PCSK2: variants seen among roughly 807,000 people sequenced by gnomAD.
The protein encoded by PCSK2 is proprotein convertase subtilisin/kexin type 2.
A neutral mutation model predicts 69.7 loss-of-function variants in PCSK2; 14 were observed. The observed-to-expected ratio is 0.20, with a 90% CI of 0.13 to 0.31. The LOEUF is 0.31. Among genes scored for constraint, PCSK2 ranks in the 10% least tolerant of loss-of-function variants. The pLI, the probability that PCSK2 is intolerant of heterozygous loss-of-function variation, is 1.00. For missense variants in PCSK2, 544 were observed against 842.5 expected, an observed-to-expected ratio of 0.65 and a Z score of 4.39; for synonymous variants, 307 against 320.7, an observed-to-expected ratio of 0.96 and a Z score of 0.46.
chr20:17,365,576 A>C (rs1194286502), intron 4 of PCSK2, among the ~76,000 whole-genome samples: 1 of 152,178 alleles, frequency 6.6e-6, no homozygotes, highest in Admixed American at 6.5e-5. Context: ...TCTAAATATC[A>C]TCTAAATCAG....
At chr20:17,227,534 G>A (rs756609959) in intron 1 of PCSK2, 52 bp downstream of exon 1, 19 of 1,437,438 alleles carry the variant, frequency 1.3e-5, no homozygotes, top group African/African-American at 2.8e-5. Flanking sequence ...GGGACGGGGG[G>A]GCAGCCCTGC....
intron 2 of PCSK2, among the ~76,000 whole-genome samples, chr20:17,304,741 T>C (rs779256413): frequency 6.6e-6 from 1 of 152,232 alleles, no homozygotes; most frequent in South Asian, 2.1e-4. Flanking sequence ...ACAATTGAGC[T>C]TATGATTCAG....
chr20:17,238,554 T>C (rs1448925281), intron 1 of PCSK2, among the ~76,000 whole-genome samples: 1 of 152,182 alleles, frequency 6.6e-6, no homozygotes, highest in African/African-American at 2.4e-5. Flanking sequence ...TGAGCCTTGT[T>C]GCTCATTGGC....
At chr20:17,356,054 G>A (rs2030186092) in intron 2 of PCSK2, among the ~76,000 whole-genome samples, 2 of 151,994 alleles carry the variant, frequency 1.3e-5, no homozygotes, top group South Asian at 4.2e-4. Context: ...ATGTGTGTGT[G>A]CATATATATG....
At position 17,481,743 on chromosome 20, in the gene PCSK2, C is replaced by T; in HGVS notation, c.1590C>T (p.Gly530=). Residue 530 remains glycine, a synonymous_variant, in exon 12 of 12, where the codon GGC becomes GGT. Transcript: ENST00000262545. ...DLNINMTSPM[G]TKSILLSRRP... ...ACATCAACATGACTTCCCCTATGGG[C>T]ACCAAGTCCATTTTGCTGAGCCGGC... The T allele has an allele frequency of 6.2e-7, 1 of 1,614,166 alleles. No individual in the cohort carries two copies. Among genetic ancestry groups the T allele is most frequent in the Non-Finnish European group, 8.5e-7 (1 of 1,180,024 alleles).
chr20:17,430,495 A>G (rs1403667163), intron 7 of PCSK2, among the ~76,000 whole-genome samples: 1 of 152,190 alleles, frequency 6.6e-6, no homozygotes, highest in African/African-American at 2.4e-5. Context: ...AGCAAAGGTA[A>G]CCTATACAAA....
intron 10 of PCSK2, among the ~76,000 whole-genome samples, chr20:17,461,905 A>G (rs1600598901): frequency 6.6e-6 from 1 of 152,362 alleles, no homozygotes; most frequent in East Asian, 1.9e-4. Flanking sequence ...CATGTACCCC[A>G]TAAATACATA....
intron 9 of PCSK2, among the ~76,000 whole-genome samples, chr20:17,454,890 G>A (rs921691649): frequency 6.6e-6 from 1 of 152,190 alleles, no homozygotes. Context: ...CCCTGCGTGA[G>A]CGAGGAGAAG....
intron 5 of PCSK2, among the ~76,000 whole-genome samples, chr20:17,374,072 C>A (rs898313021): frequency 2.0e-5 from 3 of 152,228 alleles, no homozygotes; most frequent in African/African-American, 7.2e-5. Flanking sequence ...AAAATTATAA[C>A]CTCCTTTACC....
chr20:17,364,404 G>T (rs1012823641), intron 4 of PCSK2, among the ~76,000 whole-genome samples: 1 of 152,122 alleles, frequency 6.6e-6, no homozygotes, highest in Non-Finnish European at 1.5e-5. Context: ...ACCCAGACTG[G>T]GTAATTTATA....
At chr20:17,241,752 A>G (rs929385871) in intron 1 of PCSK2, among the ~76,000 whole-genome samples, 1 of 152,090 alleles carries the variant, frequency 6.6e-6, no homozygotes, top group Non-Finnish European at 1.5e-5. Flanking sequence ...AATTAAATGC[A>G]CCTCCCCTGA....
chr20:17,412,049 T>C (rs556590851), intron 6 of PCSK2, among the ~76,000 whole-genome samples: 30 of 152,064 alleles, frequency 2.0e-4, no homozygotes, highest in African/African-American at 7.0e-4. Context: ...AGACCAAAGG[T>C]AGATAAAACC....
At chr20:17,285,421 A>T (rs1051646181) in intron 2 of PCSK2, among the ~76,000 whole-genome samples, 2 of 152,180 alleles carry the variant, frequency 1.3e-5, no homozygotes, top group Non-Finnish European at 2.9e-5. Context: ...CTGTCTCCCG[A>T]TTTCTCAGAA....
intron 11 of PCSK2, among the ~76,000 whole-genome samples, chr20:17,471,358 G>A (rs1033802442): frequency 2.6e-5 from 4 of 152,190 alleles, no homozygotes; most frequent in Non-Finnish European, 5.9e-5. Context: ...TCAATGCAGT[G>A]TTTTCAATGA....
intron 1 of PCSK2, among the ~76,000 whole-genome samples, chr20:17,241,071 T>C (rs1427308238): frequency 2.0e-5 from 3 of 152,206 alleles, no homozygotes; most frequent in East Asian, 3.8e-4. Context: ...GAGTGCTCCA[T>C]GTAAACAAGT....
chr20:17,307,654 T>C (rs1406143027), intron 2 of PCSK2, among the ~76,000 whole-genome samples: 1 of 152,212 alleles, frequency 6.6e-6, no homozygotes, highest in Admixed American at 6.5e-5. Flanking sequence ...TCCATATACC[T>C]ACCAGCAGTG....
chr20:17,232,827 C>A lies in PCSK2; in HGVS notation c.177+5345C>A, dbSNP rs557687309. 6.8e-4 allele frequency among the ~76,000 whole-genome samples: 103 copies of A among 152,284 alleles called. 2 individuals are homozygous for A. The South Asian group carries it at 0.021, about 31-fold the overall frequency. On this transcript the variant is annotated intron_variant, in intron 1 of 11. Transcript: ENST00000262545. Reference sequence around the variant, plus strand: ...AACAGCATATAGATTTGATCATAAGCATTCCCTGAAAGATTTCAATCTAAG... The same window carrying A: ...AACAGCATATAGATTTGATCATAAGAATTCCCTGAAAGATTTCAATCTAAG...
chr20:17,331,147 C>T (rs73900211), intron 2 of PCSK2, among the ~76,000 whole-genome samples: 3,787 of 152,228 alleles, frequency 0.025, 168 homozygotes, highest in African/African-American at 0.086. Flanking sequence ...AAAGGTAGCG[C>T]TCCTGACTCA....
At chr20:17,249,022 A>G (rs978541312) in intron 1 of PCSK2, among the ~76,000 whole-genome samples, 1 of 152,174 alleles carries the variant, frequency 6.6e-6, no homozygotes, top group Admixed American at 6.5e-5. Context: ...CAAGCCAGGT[A>G]TGCAACTCAG....
Sources: allele counts gnomAD v4.1 joint callset (sites outside exome capture counted in the v4.1 genomes callset), GRCh38; gene constraint gnomAD v4.1.1; transcripts MANE v1.5; gene names NCBI Gene and HGNC (gene_info 2026-07-23, HGNC 2026-07-21).